Variants in COP1 observed in about 807,000 individuals in gnomAD.
The protein encoded by COP1 is E3 ubiquitin-protein ligase COP1.
Under a neutral mutation model 101.3 loss-of-function variants are expected in COP1, and 24 were observed. The observed-to-expected ratio is 0.24, with a 90% CI of 0.17 to 0.33. The LOEUF (loss-of-function observed/expected upper bound fraction) is 0.33. Ranked by LOEUF, COP1 falls within the 10% of genes least tolerant of loss-of-function variation. COP1 has a pLI of 1.00. For synonymous variants in COP1, 347 were observed against 341.9 expected, an observed-to-expected ratio of 1.01 and a Z score of -0.17; for missense variants, 663 against 906.2, an observed-to-expected ratio of 0.73 and a Z score of 3.45.
chr1:175,951,560 G>A (rs1649923518), intron 18 of COP1, among the ~76,000 whole-genome samples: 1 of 150,934 alleles, frequency 6.6e-6, no homozygotes, highest in South Asian at 2.1e-4. Context: ...AGATACCACT[G>A]GACCACAGGC....
intron 6 of COP1, among the ~76,000 whole-genome samples, chr1:176,145,636 C>T (rs1691465759): frequency 1.3e-5 from 2 of 152,112 alleles, no homozygotes; most frequent in Non-Finnish European, 2.9e-5. Context: ...GGCATATTCA[C>T]TTAATGGAAT....
At chr1:176,009,880 G>GGC (rs1553217417) in intron 15 of COP1, among the ~76,000 whole-genome samples, 1 of 77,326 alleles carries the variant, frequency 1.3e-5, no homozygotes, top group African/African-American at 3.1e-5. Context: ...GGTTACTTGG[G>GGC]GGGGGGGGGT....
chr1:176,061,230 A>G (rs1004112621), intron 11 of COP1, among the ~76,000 whole-genome samples: 1 of 152,266 alleles, frequency 6.6e-6, no homozygotes, highest in African/African-American at 2.4e-5. Context: ...GTAGACTCAC[A>G]TATATACAGT....
chr1:176,122,085 A>G (rs1052919697), intron 8 of COP1, among the ~76,000 whole-genome samples: 2 of 150,274 alleles, frequency 1.3e-5, no homozygotes, highest in Admixed American at 1.3e-4. Context: ...GCTTGAAGTA[A>G]GCCGAGATCG....
chr1:176,126,747 T>C (rs1159222834), intron 8 of COP1, among the ~76,000 whole-genome samples: 1 of 152,178 alleles, frequency 6.6e-6, no homozygotes, highest in Non-Finnish European at 1.5e-5. Context: ...CCACTGCACC[T>C]GGCCATCAAC....
At chr1:176,044,833 A>G (rs1463545288) in intron 12 of COP1, among the ~76,000 whole-genome samples, 1 of 152,194 alleles carries the variant, frequency 6.6e-6, no homozygotes, top group Non-Finnish European at 1.5e-5. Context: ...ATCAGGAAGT[A>G]TTGCACATTT....
chr1:176,124,326 ACC>A, intron 8 of COP1, among the ~76,000 whole-genome samples: 1 of 151,960 alleles, frequency 6.6e-6, no homozygotes, highest in East Asian at 1.9e-4. Flanking sequence ...GACTATAGTC[ACC>A]CTGTTATGCT....
intron 11 of COP1, among the ~76,000 whole-genome samples, chr1:176,051,334 T>C (rs1175875433): frequency 6.6e-6 from 1 of 152,190 alleles, no homozygotes; most frequent in Non-Finnish European, 1.5e-5. Context: ...AAGGACATCT[T>C]ATGTTCCCAC....
chr1:175,946,497 T>C (rs1033289118), intron 19 of COP1, among the ~76,000 whole-genome samples: 7 of 152,186 alleles, frequency 4.6e-5, no homozygotes, highest in Non-Finnish European at 8.8e-5. Flanking sequence ...CAGCAGAGAA[T>C]ATGTGGAAAA....
At chr1:176,157,524 C>A (rs1375280219) in intron 5 of COP1, among the ~76,000 whole-genome samples, 3 of 152,078 alleles carry the variant, frequency 2.0e-5, no homozygotes, top group African/African-American at 7.2e-5. Flanking sequence ...AGTAGAAAAA[C>A]CAAGAAATAT....
At chr1:176,027,481 C>T in intron 15 of COP1, 91 bp downstream of exon 15, 1 of 795,956 alleles carries the variant, frequency 1.3e-6, no homozygotes, top group South Asian at 1.4e-5. Flanking sequence ...TTTAAACCTA[C>T]AAAAGAGTTA....
intron 15 of COP1, among the ~76,000 whole-genome samples, chr1:175,996,618 A>G (rs895661114): frequency 4.0e-5 from 6 of 148,650 alleles, no homozygotes; most frequent in African/African-American, 7.8e-5. Flanking sequence ...ACAAACAGAG[A>G]GCCAAATCAT....
intron 5 of COP1, among the ~76,000 whole-genome samples, chr1:176,152,101 GGCA>G (rs928542299): frequency 6.6e-6 from 1 of 151,982 alleles, no homozygotes; most frequent in Non-Finnish European, 1.5e-5. Context: ...GACCAGCCTG[GGCA>G]ACATGGCGAC....
intron 8 of COP1, among the ~76,000 whole-genome samples, chr1:176,120,383 G>A (rs991035070): frequency 1.3e-4 from 19 of 151,674 alleles, no homozygotes; most frequent in African/African-American, 4.1e-4. Flanking sequence ...TCACACCACT[G>A]CACTCCAGCC....
At chr1:176,018,922 T>C (rs1435645348) in intron 15 of COP1, among the ~76,000 whole-genome samples, 1 of 151,860 alleles carries the variant, frequency 6.6e-6, no homozygotes, top group Non-Finnish European at 1.5e-5. Flanking sequence ...TCCCAGCACT[T>C]TGGGAGGCCG....
chr1:176,171,312 C>T (rs899457253), intron 3 of COP1, among the ~76,000 whole-genome samples: 1 of 152,132 alleles, frequency 6.6e-6, no homozygotes, highest in African/African-American at 2.4e-5. Context: ...CCTTAAATCT[C>T]TTGAACCAAC....
Position 176,007,352 on chromosome 1 carries a change from T to C in COP1, c.1730-17873A>G, listed in dbSNP as rs1005972598. On this transcript the variant is annotated intron_variant, in intron 15 of 19. Coordinates refer to ENST00000367669, the MANE Select transcript of COP1 (RefSeq NM_022457.7). ...GCCTTCTTCTCTCAGCTCGTCAAAG[T>C]CATTCTCCATCCAGCTTTGTTCCGT... is the stretch of plus-strand genomic sequence containing the variant. Among the ~76,000 whole-genome samples, 10 of 152,352 alleles carry C rather than the reference T, an allele frequency of 6.6e-5. No individual in the cohort carries two copies. The South Asian group carries it at 8.3e-4, about 13-fold the overall frequency.
intron 8 of COP1, among the ~76,000 whole-genome samples, chr1:176,133,334 C>G (rs1287722871): frequency 6.6e-6 from 1 of 151,764 alleles, no homozygotes; most frequent in Non-Finnish European, 1.5e-5. Flanking sequence ...TACTGAATAT[C>G]AGTCATTTCC....
At position 176,189,524 on chromosome 1, in the gene COP1, A is replaced by G. The variant is rs1698869109; in HGVS notation, c.408-4832T>C. The stretch of plus-strand genomic sequence containing the variant: ...TTTCAAAATGAAAGCAAATAAACTC[A>G]TTTTCAAACAAACACAAATTTAAGA... On this transcript the variant is annotated intron_variant, in intron 1 of 19. Transcript: ENST00000367669. Among the ~76,000 whole-genome samples, 3 of 151,990 alleles carry G rather than the reference A, an allele frequency of 2.0e-5. No homozygotes were observed. The South Asian group carries it at 6.2e-4, about 31-fold the overall frequency.
Sources: allele counts gnomAD v4.1 joint callset (sites outside exome capture counted in the v4.1 genomes callset), GRCh38; gene constraint gnomAD v4.1.1; transcripts MANE v1.5; gene names NCBI Gene and HGNC (gene_info 2026-07-23, HGNC 2026-07-21).